Variants in ANK2 observed in about 807,000 individuals in gnomAD.
The protein encoded by ANK2 is ankyrin-2.
In ANK2, 83 loss-of-function variants were observed where a neutral mutation model predicts 360.5. That is an observed-to-expected ratio of 0.23 (90% CI 0.19 to 0.28). The LOEUF is 0.28. ANK2 is among the 10% of genes least tolerant of loss of function. The probability of loss-of-function intolerance (pLI) is 1.00; values close to 1 mark genes in which losing one functional copy is unlikely to be tolerated. For synonymous variants in ANK2, 1,740 were observed against 1,759.5 expected (o/e 0.99, Z 0.28); for missense variants, 4,201 against 4,795.7 (o/e 0.88, Z 3.66).
intron 1 of ANK2, among the ~76,000 whole-genome samples, chr4:112,829,627 G>A (rs2059268728): frequency 1.3e-5 from 2 of 151,652 alleles, no homozygotes; most frequent in Admixed American, 6.6e-5. Context: ...AAACCACAAT[G>A]AGATACCATC....
At chr4:113,376,470 G>A (rs1265160475) in intron 45 of ANK2, among the ~76,000 whole-genome samples, 1 of 152,198 alleles carries the variant, frequency 6.6e-6, no homozygotes, top group Non-Finnish European at 1.5e-5. Flanking sequence ...TGAGTGAGTG[G>A]TGAGAGAATG....
intron 2 of ANK2, among the ~76,000 whole-genome samples, chr4:112,997,327 C>T (rs1452257578): frequency 1.3e-5 from 2 of 152,058 alleles, no homozygotes; most frequent in Non-Finnish European, 2.9e-5. Flanking sequence ...ACTAGAGTCA[C>T]CAGGTACAAT....
At chr4:112,875,039 CT>C (rs991553054) in intron 1 of ANK2, among the ~76,000 whole-genome samples, 543 of 140,608 alleles carry the variant, frequency 3.9e-3, no homozygotes, top group South Asian at 6.4e-3. Flanking sequence ...TCCCTAATTA[CT>C]TTTTTTTTTT....
intron 2 of ANK2, among the ~76,000 whole-genome samples, chr4:113,029,582 T>A (rs749038335): frequency 2.8e-4 from 43 of 152,060 alleles, no homozygotes; most frequent in Admixed American, 7.9e-4. Context: ...GGAGTTCTTC[T>A]TTAGAAAATG....
At chr4:112,944,220 A>G (rs891454345) in intron 2 of ANK2, among the ~76,000 whole-genome samples, 1 of 152,164 alleles carries the variant, frequency 6.6e-6, no homozygotes, top group African/African-American at 2.4e-5. Flanking sequence ...GTCATAAATG[A>G]TATATTGTAT....
At chr4:113,036,849 T>A (rs2061716514) in intron 2 of ANK2, among the ~76,000 whole-genome samples, 3 of 151,810 alleles carry the variant, frequency 2.0e-5, no homozygotes, top group African/African-American at 4.8e-5. Flanking sequence ...CTAGCCAGTA[T>A]AATGAAGACA....
At chr4:113,175,686 C>T (rs576232543) in intron 2 of ANK2, among the ~76,000 whole-genome samples, 12 of 152,306 alleles carry the variant, frequency 7.9e-5, no homozygotes, top group African/African-American at 2.6e-4. Context: ...TTCCTTCCTC[C>T]CCAAACTTCT....
the ANK2 span, among the ~76,000 whole-genome samples, chr4:112,771,198 C>T: frequency 1.3e-5 from 2 of 152,206 alleles, no homozygotes; most frequent in African/African-American, 2.4e-5. Context: ...CCACGACCTT[C>T]GCCTCCCGGG....
intron 2 of ANK2, among the ~76,000 whole-genome samples, chr4:112,966,153 A>G (rs896765093): frequency 4.0e-5 from 6 of 151,828 alleles, no homozygotes; most frequent in Admixed American, 2.6e-4. Flanking sequence ...CTACTTCAGA[A>G]AGAAACTATG....
At chr4:112,745,997 ATTG>A in the ANK2 span, among the ~76,000 whole-genome samples, 1 of 150,658 alleles carries the variant, frequency 6.6e-6, no homozygotes, top group Non-Finnish European at 1.5e-5. Flanking sequence ...TGTTGTTGTT[ATTG>A]TTGTTTTTTT....
chr4:112,848,195 G>C (rs996716930), intron 1 of ANK2, among the ~76,000 whole-genome samples: 1 of 152,034 alleles, frequency 6.6e-6, no homozygotes, highest in African/African-American at 2.4e-5. Flanking sequence ...GCACAATCTT[G>C]GGTCACTCCA....
At chr4:113,374,881 G>C (rs1288493522) in intron 45 of ANK2, 1 of 1,268,598 alleles carries the variant, frequency 7.9e-7, no homozygotes, top group Non-Finnish European at 1.0e-6. Context: ...AGAGAGGATG[G>C]AGAAACATCT....
intron 1 of ANK2, among the ~76,000 whole-genome samples, chr4:113,102,369 T>C (rs17045563): frequency 6.6e-6 from 1 of 151,950 alleles, no homozygotes; most frequent in Non-Finnish European, 1.5e-5. Flanking sequence ...AAAAATAGTA[T>C]GTGAGACATC....
intron 1 of ANK2, among the ~76,000 whole-genome samples, chr4:113,055,361 C>G (rs933666858): frequency 6.6e-6 from 1 of 152,100 alleles, no homozygotes; most frequent in African/African-American, 2.4e-5. Context: ...CCACTGCACT[C>G]CAGCCTGCAT....
chr4:113,366,702 C>T (rs778321577), intron 41 of ANK2, among the ~76,000 whole-genome samples: 3 of 152,132 alleles, frequency 2.0e-5, no homozygotes, highest in Non-Finnish European at 2.9e-5. Context: ...GCTCAAATAT[C>T]GCCTCCTAAG....
chr4:112,810,031 T>C, the ANK2 span, among the ~76,000 whole-genome samples: 1 of 151,032 alleles, frequency 6.6e-6, no homozygotes, highest in African/African-American at 2.4e-5. Context: ...TCATATTTAC[T>C]TTATTTTTTT....
chr4:112,816,749 G>A (rs895120096), upstream of ANK2, among the ~76,000 whole-genome samples: 7 of 152,150 alleles, frequency 4.6e-5, no homozygotes, highest in Non-Finnish European at 8.8e-5. Flanking sequence ...AGTGGCTCAC[G>A]CCTGTAATCC....
At chr4:112,752,171 C>T in the ANK2 span, among the ~76,000 whole-genome samples, 3,046 of 152,306 alleles carry the variant, frequency 0.02, 105 homozygotes, top group African/African-American at 0.07. Flanking sequence ...AGGAGGCTCA[C>T]TCTGTGTTTC....
At chr4:113,313,357 G>A (rs1297534452) in intron 24 of ANK2, among the ~76,000 whole-genome samples, 1 of 152,072 alleles carries the variant, frequency 6.6e-6, no homozygotes, top group Non-Finnish European at 1.5e-5. Flanking sequence ...TTCTTTCAAA[G>A]TACTTAGGTT....
Sources: gnomAD v4.1 joint callset for allele counts (sites outside exome capture counted in the v4.1 genomes callset) on GRCh38, gnomAD v4.1.1 for gene constraint, MANE v1.5 for transcripts, NCBI Gene and HGNC (gene_info 2026-07-23, HGNC 2026-07-21) for gene names.